The following SH3GL3 variants were observed in gnomAD, a reference collection of about 807,000 sequenced individuals.
The protein encoded by SH3GL3 is endophilin-A3.
In SH3GL3, 33 loss-of-function variants were observed where a neutral mutation model predicts 47.7. The ratio of observed to expected loss-of-function variants is 0.69; its 90% CI spans 0.52 to 0.92. SH3GL3 has a LOEUF of 0.92. Ranked by LOEUF, SH3GL3 falls within the 40% of genes least tolerant of loss-of-function variation. The pLI is 0.00. For missense variants in SH3GL3, 363 were observed against 417.8 expected (o/e 0.87, Z 1.14); for synonymous variants, 155 against 148.8 (o/e 1.04, Z -0.30).
At chr15:83,583,370 C>T (rs2059881855) in intron 6 of SH3GL3, among the ~76,000 whole-genome samples, 1 of 152,154 alleles carries the variant, frequency 6.6e-6, no homozygotes, top group South Asian at 2.1e-4. Context: ...TTCTAGGCAC[C>T]CCAGTTTCCA....
chr15:83,593,539 T>C (rs1321935816), intron 8 of SH3GL3, among the ~76,000 whole-genome samples: 1 of 152,234 alleles, frequency 6.6e-6, no homozygotes, highest in Non-Finnish European at 1.5e-5. Flanking sequence ...TTTTTGTATA[T>C]TGATCTTGTA....
intron 6 of SH3GL3, among the ~76,000 whole-genome samples, chr15:83,583,256 G>A (rs1290292750): frequency 6.6e-6 from 1 of 152,162 alleles, no homozygotes; most frequent in Non-Finnish European, 1.5e-5. Flanking sequence ...CTCGCCATGG[G>A]CTTCAGGGTG....
At chr15:83,628,764 A>G in the SH3GL3 span, among the ~76,000 whole-genome samples, 1 of 152,158 alleles carries the variant, frequency 6.6e-6, no homozygotes. Flanking sequence ...AAAACAAAAC[A>G]AAACAAAAGC....
At chr15:83,607,523 G>C (rs1405543102) in intron 8 of SH3GL3, among the ~76,000 whole-genome samples, 1 of 152,138 alleles carries the variant, frequency 6.6e-6, no homozygotes, top group Non-Finnish European at 1.5e-5. Context: ...CATGACAGAG[G>C]GAGGTGTGTC....
chr15:83,495,378 A>G (rs1366315430), intron 1 of SH3GL3, among the ~76,000 whole-genome samples: 2 of 152,144 alleles, frequency 1.3e-5, no homozygotes, highest in Admixed American at 1.3e-4. Context: ...GTCCCTCGGA[A>G]CTGGCTTTGA....
chr15:83,575,712 T>C (rs2059658639), intron 5 of SH3GL3, among the ~76,000 whole-genome samples: 1 of 152,228 alleles, frequency 6.6e-6, no homozygotes. Context: ...GTCATGGAAG[T>C]TAGAAGCAGT....
chr15:83,518,046 C>G (rs1438504133), intron 1 of SH3GL3, among the ~76,000 whole-genome samples: 7 of 152,310 alleles, frequency 4.6e-5, no homozygotes, highest in Admixed American at 3.3e-4. Flanking sequence ...ATAATGGCCT[C>G]TAGCTGCATC....
chr15:83,615,827 A>C (rs2060797833), intron 8 of SH3GL3, among the ~76,000 whole-genome samples: 1 of 152,216 alleles, frequency 6.6e-6, no homozygotes, highest in African/African-American at 2.4e-5. Context: ...TAAATATAAT[A>C]GATATTTACC....
At chr15:83,492,884 C>T (rs1462140360) in intron 1 of SH3GL3, among the ~76,000 whole-genome samples, 2 of 152,216 alleles carry the variant, frequency 1.3e-5, no homozygotes, top group Non-Finnish European at 2.9e-5. Flanking sequence ...ACTGGGGTCA[C>T]CTCCCAGTTA....
intron 6 of SH3GL3, among the ~76,000 whole-genome samples, chr15:83,577,001 C>T (rs1404102177): frequency 7.2e-6 from 1 of 138,216 alleles, no homozygotes; most frequent in African/African-American, 2.7e-5. Context: ...ACCTCCGTCT[C>T]CTTGGTTCAA....
At chr15:83,548,576 G>C (rs1283770781) in intron 1 of SH3GL3, among the ~76,000 whole-genome samples, 1 of 151,934 alleles carries the variant, frequency 6.6e-6, no homozygotes, top group Non-Finnish European at 1.5e-5. Flanking sequence ...ACAGGGAATA[G>C]AATCTAAGAT....
At chr15:83,501,201 C>T (rs925322053) in intron 1 of SH3GL3, among the ~76,000 whole-genome samples, 1 of 151,500 alleles carries the variant, frequency 6.6e-6, no homozygotes, top group Non-Finnish European at 1.5e-5. Flanking sequence ...GCATAATTAA[C>T]AACTTTATAA....
intron 1 of SH3GL3, among the ~76,000 whole-genome samples, chr15:83,548,581 T>A (rs2044517120): frequency 6.6e-6 from 1 of 152,016 alleles, no homozygotes; most frequent in Admixed American, 6.6e-5. Context: ...GAATAGAATC[T>A]AAGATTGGTA....
intron 1 of SH3GL3, among the ~76,000 whole-genome samples, chr15:83,543,484 G>A (rs2044261791): frequency 6.6e-6 from 1 of 151,930 alleles, no homozygotes; most frequent in Non-Finnish European, 1.5e-5. Flanking sequence ...ATCTTTGACT[G>A]GTTTAGGTAT....
At chr15:83,542,095 G>A (rs573549807) in intron 1 of SH3GL3, among the ~76,000 whole-genome samples, 1 of 152,288 alleles carries the variant, frequency 6.6e-6, no homozygotes, top group South Asian at 2.1e-4. Context: ...TAGTTTCACG[G>A]TTTGAGGTCT....
At chr15:83,556,339 A>G (rs1431048073) in intron 1 of SH3GL3, among the ~76,000 whole-genome samples, 3 of 152,260 alleles carry the variant, frequency 2.0e-5, no homozygotes, top group Non-Finnish European at 4.4e-5. Context: ...TCAAAACAGT[A>G]AACACCACTG....
intron 1 of SH3GL3, among the ~76,000 whole-genome samples, chr15:83,458,259 G>T (rs76645937): frequency 6.6e-6 from 1 of 152,284 alleles, no homozygotes; most frequent in Non-Finnish European, 1.5e-5. Flanking sequence ...GATCAGGGAG[G>T]CATTGTTTCC....
At chr15:83,621,531 AAAAT>A (rs2060915637), downstream of SH3GL3, among the ~76,000 whole-genome samples, 1 of 152,226 alleles carries the variant, frequency 6.6e-6, no homozygotes, top group Non-Finnish European at 1.5e-5. Context: ...CAAAACAGTT[AAAAT>A]AGTAACATCA....
intron 1 of SH3GL3, among the ~76,000 whole-genome samples, chr15:83,453,688 T>A (rs1422150363): frequency 1.9e-5 from 2 of 105,706 alleles, no homozygotes; most frequent in Non-Finnish European, 3.9e-5. Flanking sequence ...TCTATTTGAT[T>A]CTTCTCTCTT....
Sources: allele counts gnomAD v4.1 joint callset (sites outside exome capture counted in the v4.1 genomes callset), GRCh38; gene constraint gnomAD v4.1.1; transcripts MANE v1.5; gene names NCBI Gene and HGNC (gene_info 2026-07-23, HGNC 2026-07-21).